Variants in PIK3R4 observed in about 807,000 individuals in gnomAD.
The protein encoded by PIK3R4 is phosphoinositide-3-kinase regulatory subunit 4, also known as phosphoinositide 3-kinase regulatory subunit 4.
In PIK3R4, 46 loss-of-function variants were observed where a neutral mutation model predicts 136.5. The observed-to-expected ratio is 0.34, with a 90% confidence interval of 0.27 to 0.43. The LOEUF is 0.43. Among genes scored for constraint, PIK3R4 ranks in the 20% least tolerant of loss-of-function variants. The pLI is 1.00. For synonymous variants in PIK3R4, 557 were observed against 566.7 expected, an observed-to-expected ratio of 0.98 and a Z score of 0.24; for missense variants, 1,331 against 1,649.5, an observed-to-expected ratio of 0.81 and a Z score of 3.35.
rs1322640380 is a variant in PIK3R4, at chr3:130,741,072, A to C, written c.733+3414T>G. ...AACTAAATGGAGGTTTTATTGACTG[A>C]ATTGTGTGTCAAGTGCCCCCTGCCT... is the stretch of plus-strand genomic sequence containing the variant. On this transcript the variant is annotated intron_variant, in intron 2 of 19. Transcript: ENST00000356763. Among the ~76,000 whole-genome samples the C allele has an allele frequency of 2.0e-5, 3 of 152,218 alleles. No individual in the cohort carries two copies. The East Asian group carries it at 5.8e-4, about 29-fold the overall frequency.
intron 6 of PIK3R4, among the ~76,000 whole-genome samples, chr3:130,728,138 G>A (rs1316725161): frequency 6.6e-6 from 1 of 152,104 alleles, no homozygotes; most frequent in Non-Finnish European, 1.5e-5. Context: ...TTACACTACA[G>A]CAATCATTCT....
intron 12 of PIK3R4, among the ~76,000 whole-genome samples, chr3:130,704,657 A>C (rs1248817419): frequency 6.6e-6 from 1 of 152,212 alleles, no homozygotes; most frequent in Non-Finnish European, 1.5e-5. Flanking sequence ...ACTCTGCTAC[A>C]TTACACTAGG....
Position 130,679,034 on chromosome 3 carries a change from A to G in PIK3R4, c.*281T>C, listed in dbSNP as rs1284816707. On this transcript the variant is annotated 3_prime_UTR_variant, in exon 20 of 20. Transcript: ENST00000356763. ...TCAACCATCTTTTTCAATACAAAAT[A>G]AACATATTCATTTTCATATTTTACA... 7 of 188,848 alleles carry G rather than the reference A, an allele frequency of 3.7e-5. No homozygotes were observed. Among genetic ancestry groups the G allele is most frequent in the South Asian group, 1.8e-4 (1 of 5,612 alleles). 11.7% of individuals were successfully genotyped at this position (188,848 alleles called of 1,614,324 possible). A position where few individuals can be genotyped will look rare whatever the true frequency, so the allele number is the denominator to read the frequency against.
intron 4 of PIK3R4, among the ~76,000 whole-genome samples, chr3:130,733,330 C>T (rs2066768476): frequency 6.6e-6 from 1 of 152,100 alleles, no homozygotes; most frequent in Non-Finnish European, 1.5e-5. Context: ...CACAAAATTC[C>T]ATCACTTGAT....
In PIK3R4 at chr3:130,716,379, T is replaced by C. The variant is rs2107612486; in HGVS notation, c.2331+17A>G. On this transcript the variant is annotated intron_variant, in intron 9 of 19. Transcript: ENST00000356763. ...AAATTCGCATTTAAATGTAAGACTT[T>C]GGAAGGGTGATACAACCTGTGAGAG... 6.2e-7 allele frequency: 1 copy of C among 1,600,454 alleles called. No homozygotes were observed.
chr3:130,733,383 T>C (rs2066768835), intron 4 of PIK3R4, among the ~76,000 whole-genome samples, 165 bp downstream of exon 4: 1 of 152,188 alleles, frequency 6.6e-6, no homozygotes. Context: ...CAAACGTTGA[T>C]TCCCAGGAAC....
Position 130,730,386 on chromosome 3 carries a change from T to G in PIK3R4, c.1507A>C (p.Lys503Gln), listed in dbSNP as rs1262790495. The change falls in exon 5 of 20, where the codon AAA (lysine) becomes CAA (glutamine). Residue 503 changes from lysine (K) to glutamine (Q), a missense_variant. Lys to Gln is a moderately conservative substitution (Grantham distance 53). Coordinates refer to ENST00000356763, the MANE Select transcript of PIK3R4 (RefSeq NM_014602.3). Reference sequence around the variant, plus strand: ...GGGTCATTTTCCATATTAAGATTTTTTAACTGTACTAATTCCAGGAATCTC... The same window carrying G: ...GGGTCATTTTCCATATTAAGATTTTGTAACTGTACTAATTCCAGGAATCTC... ...ALRFLELVQLKNLNMENDPNN... is the reference protein window; with the variant it reads ...ALRFLELVQLQNLNMENDPNN... 6.2e-7 allele frequency: 1 copy of G among 1,603,278 alleles called. No individual in the cohort carries two copies. Among genetic ancestry groups the G allele is most frequent in the Non-Finnish European group, 8.5e-7 (1 of 1,174,488 alleles).
At chr3:130,719,121 C>T (rs1212691599) in intron 7 of PIK3R4, among the ~76,000 whole-genome samples, 1 of 152,096 alleles carries the variant, frequency 6.6e-6, no homozygotes, top group East Asian at 1.9e-4. Flanking sequence ...AACAAAAAGG[C>T]TGAAAACATG....
intron 13 of PIK3R4, among the ~76,000 whole-genome samples, chr3:130,700,683 T>G (rs964485583): frequency 1.3e-5 from 2 of 152,236 alleles, no homozygotes; most frequent in African/African-American, 4.8e-5. Flanking sequence ...GGGAAACTCC[T>G]CTTAGTCAGA....
Position 130,681,499 on chromosome 3 carries a change from C to T in PIK3R4, c.3700G>A (p.Glu1234Lys). Residue 1234 changes from glutamate to lysine, a missense_variant, in exon 17 of 20, where the codon GAA becomes AAA. Coordinates refer to ENST00000356763, the MANE Select transcript of PIK3R4 (RefSeq NM_014602.3). The part of the protein sequence containing the change: ...LWASSAPPLS[E>K]LQPSPHSVHG... ...AAAAACTGAAGTCAAACCTGTAATTCAGAAAGTGGTGGTGCACTGCTGGCC... is the reference window on the plus strand; with the variant it reads ...AAAAACTGAAGTCAAACCTGTAATTTAGAAAGTGGTGGTGCACTGCTGGCC... The T allele has an allele frequency of 6.3e-7, 1 of 1,597,222 alleles. No homozygotes were observed. Among genetic ancestry groups the T allele is most frequent in the Non-Finnish European group, 8.6e-7 (1 of 1,164,840 alleles).
At chr3:130,682,768 A>AAAT (rs1334672345) in intron 16 of PIK3R4, among the ~76,000 whole-genome samples, 1 of 152,180 alleles carries the variant, frequency 6.6e-6, no homozygotes, top group Non-Finnish European at 1.5e-5. Context: ...TTTTATTTGA[A>AAAT]AATAAATTCT....
chr3:130,697,706 C>T (rs1007101269), intron 13 of PIK3R4, among the ~76,000 whole-genome samples: 85 of 152,294 alleles, frequency 5.6e-4, no homozygotes, highest in Non-Finnish European at 6.9e-4. Flanking sequence ...CCCATTGACA[C>T]AGTCTTCTAA....
At position 130,735,940 on chromosome 3, in the gene PIK3R4, C is replaced by G; in HGVS notation, c.796G>C (p.Ala266Pro). The G allele has an allele frequency of 6.2e-7, 1 of 1,612,518 alleles. No homozygotes were observed. Among genetic ancestry groups the G allele is most frequent in the Non-Finnish European group, 8.5e-7 (1 of 1,179,288 alleles). ...GGGAAAAAATGTCCATTTCTATAAG[C>G]CAAAAGTTGAGAGAGATCAAATAAT... ...VPLFDLSQLL[A>P]YRNGHFFPEQ... Residue 266 changes from alanine to proline, a missense_variant, in exon 3 of 20, where the codon GCT (alanine) becomes CCT (proline). Around this residue, in one of 2 missense-constraint regions of PIK3R4, gnomAD observed 1,180 missense variants for 1,407.0 expected, o/e 0.84. Coordinates refer to ENST00000356763, the MANE Select transcript of PIK3R4 (RefSeq NM_014602.3).
In PIK3R4 at chr3:130,706,933, T is replaced by C; in HGVS notation, c.2721+15A>G. Reference sequence around the variant, plus strand: ...CAAAGACATTAGGAGGACTACTGACTGGGTGACACAGTACCTGTGAAGAAG... The same window carrying C: ...CAAAGACATTAGGAGGACTACTGACCGGGTGACACAGTACCTGTGAAGAAG... On this transcript the variant is annotated intron_variant, in intron 11 of 19. Coordinates refer to ENST00000356763, the MANE Select transcript of PIK3R4 (RefSeq NM_014602.3). 1 of 1,590,504 alleles carries C rather than the reference T, an allele frequency of 6.3e-7. No homozygotes were observed. Among genetic ancestry groups the C allele is most frequent in the Non-Finnish European group, 8.6e-7 (1 of 1,168,708 alleles).
chr3:130,682,748 T>C (rs2066466772), intron 16 of PIK3R4, among the ~76,000 whole-genome samples: 1 of 152,176 alleles, frequency 6.6e-6, no homozygotes, highest in Non-Finnish European at 1.5e-5. Context: ...ACCCAAACCT[T>C]TGTAAACAAT....
intron 1 of PIK3R4, among the ~76,000 whole-genome samples, chr3:130,745,607 T>G (rs1055541788): frequency 2.0e-5 from 3 of 152,234 alleles, no homozygotes; most frequent in Non-Finnish European, 4.4e-5. Context: ...TTTAAAATAT[T>G]AATGAGCCTT....
intron 2 of PIK3R4, 66 bp downstream of exon 2, chr3:130,744,420 A>G: frequency 2.0e-6 from 3 of 1,498,328 alleles, no homozygotes; most frequent in Non-Finnish European, 2.7e-6. Flanking sequence ...AAAAAAAGCC[A>G]CATTTCTGTT....
chr3:130,728,324 A>G, intron 6 of PIK3R4, 139 bp downstream of exon 6: 1 of 622,500 alleles, frequency 1.6e-6, no homozygotes, highest in South Asian at 2.2e-5. Flanking sequence ...ATCATCCAAA[A>G]GCAGCATGAA....
At chr3:130,735,616 A>T (rs879753972) in intron 3 of PIK3R4, among the ~76,000 whole-genome samples, 2 of 152,202 alleles carry the variant, frequency 1.3e-5, no homozygotes, top group Admixed American at 6.5e-5. Flanking sequence ...AATCTGTAAA[A>T]AGCACACTGA....
Sources: allele counts gnomAD v4.1 joint callset (sites outside exome capture counted in the v4.1 genomes callset), GRCh38; gene constraint gnomAD v4.1.1; regional missense constraint gnomAD v4.1.1; transcripts MANE v1.5; gene names NCBI Gene and HGNC (gene_info 2026-07-23, HGNC 2026-07-21).